SCN7A: variants seen among roughly 807,000 people sequenced by gnomAD.
The protein encoded by SCN7A is sodium channel protein type 7 subunit alpha.
In SCN7A, 138 loss-of-function variants were observed where a neutral mutation model predicts 155.2. That is an observed-to-expected ratio of 0.89 (90% CI 0.77 to 1.02). SCN7A has a LOEUF of 1.02. Among genes scored for constraint, SCN7A ranks in the 50% least tolerant of loss-of-function variants. The probability of loss-of-function intolerance (pLI) is 0.00; values close to 1 mark genes in which losing one functional copy is unlikely to be tolerated. For missense variants in SCN7A, 2,058 were observed against 1,986.6 expected (o/e 1.04, Z -0.68); for synonymous variants, 693 against 649.0 (o/e 1.07, Z -1.03).
At chr2:166,428,641 A>G (rs1486635522) in intron 17 of SCN7A, among the ~76,000 whole-genome samples, 2 of 152,000 alleles carry the variant, frequency 1.3e-5, no homozygotes, top group Non-Finnish European at 2.9e-5. Flanking sequence ...AAGCCAAAAC[A>G]TTTTATTTTG....
intron 9 of SCN7A, among the ~76,000 whole-genome samples, chr2:166,464,589 A>T (rs942448744): frequency 2.6e-5 from 4 of 152,190 alleles, no homozygotes; most frequent in Non-Finnish European, 5.9e-5. Flanking sequence ...ATAAGAGATT[A>T]AATAAGTGAA....
At chr2:166,488,801 C>G (rs1391993534) in intron 1 of SCN7A, among the ~76,000 whole-genome samples, 1 of 151,952 alleles carries the variant, frequency 6.6e-6, no homozygotes, top group Non-Finnish European at 1.5e-5. Context: ...CTACACCTGG[C>G]TAATTTTTGT....
intron 11 of SCN7A, among the ~76,000 whole-genome samples, chr2:166,456,145 G>C (rs1272248768): frequency 6.6e-6 from 1 of 152,078 alleles, no homozygotes; most frequent in Admixed American, 6.5e-5. Flanking sequence ...CTCATAAGTG[G>C]AAGTTGAACA....
intron 23 of SCN7A, among the ~76,000 whole-genome samples, chr2:166,411,944 A>T (rs1044850887): frequency 2.6e-5 from 4 of 152,086 alleles, no homozygotes; most frequent in African/African-American, 9.7e-5. Flanking sequence ...AACTTGACTT[A>T]GATGTCTTTT....
At chr2:166,408,587 T>C (rs1701126684) in intron 25 of SCN7A, among the ~76,000 whole-genome samples, 3 of 151,932 alleles carry the variant, frequency 2.0e-5, no homozygotes, top group Admixed American at 6.6e-5. Context: ...TCCTATCAGC[T>C]CCCTCTTGTC....
rs977961327 is a variant in SCN7A at position 166,404,852 on chromosome 2, C to T, written c.*728G>A. The T allele has an allele frequency of 7.4e-6, 1 of 134,312 alleles. No homozygotes were observed. The highest frequency in any genetic ancestry group is 1.6e-5 in the Non-Finnish European group (1 of 63,794). The allele number at this position is 134,312 out of a possible 1,614,324, so 8.3% of individuals were successfully genotyped here. A position where few individuals can be genotyped will look rare whatever the true frequency, so the allele number is the denominator to read the frequency against. ...AAAAAAAAAAAAAAAAAAGGCTATA[C>T]CTCTCCTTTATGCTTCTTGTTTTAC... On this transcript the variant is annotated 3_prime_UTR_variant, in exon 26 of 26. Coordinates refer to ENST00000643258, the MANE Select transcript of SCN7A (RefSeq NM_002976.4).
chr2:166,465,286 G>A (rs1383664577), intron 9 of SCN7A, among the ~76,000 whole-genome samples, 176 bp downstream of exon 9: 1 of 152,146 alleles, frequency 6.6e-6, no homozygotes, highest in Non-Finnish European at 1.5e-5. Flanking sequence ...AAACCAACCA[G>A]TCTGTGGTAT....
chr2:166,439,053 G>A (rs944010544), intron 15 of SCN7A, among the ~76,000 whole-genome samples: 36 of 86,098 alleles, frequency 4.2e-4, no homozygotes, highest in African/African-American at 1.7e-3. Flanking sequence ...GTGTGTGTGT[G>A]TGTATATATA....
Position 166,405,596 on chromosome 2 carries a change from A to G in SCN7A, c.5033T>C (p.Ile1678Thr), listed in dbSNP as rs981447533. ...TAAGTGGTATTAGATCTGGCTTTGA[A>G]TAGGTGACTTTTCCTTAGCTTTGTC... ...YFDKAKEKSP[I>T]QSQI The change falls in exon 26 of 26, where the codon ATT becomes ACT. Residue 1678 changes from isoleucine to threonine, a missense_variant. By Grantham distance (89) the Ile-to-Thr change is moderately conservative. Coordinates refer to ENST00000643258, the MANE Select transcript of SCN7A (RefSeq NM_002976.4). 8 of 1,588,298 alleles carry G rather than the reference A, an allele frequency of 5.0e-6. No homozygotes were observed. Among genetic ancestry groups the G allele is most frequent in the Non-Finnish European group, 6.0e-6 (7 of 1,168,654 alleles).
At chr2:166,464,947 A>G (rs1702495281) in intron 9 of SCN7A, among the ~76,000 whole-genome samples, 1 of 152,210 alleles carries the variant, frequency 6.6e-6, no homozygotes, top group Non-Finnish European at 1.5e-5. Flanking sequence ...TTGGATGAAT[A>G]GTATTCCACA....
intron 1 of SCN7A, among the ~76,000 whole-genome samples, chr2:166,487,743 T>C (rs867204123): frequency 8.5e-5 from 13 of 152,058 alleles, no homozygotes; most frequent in Non-Finnish European, 1.6e-4. Flanking sequence ...AGGTTCACAT[T>C]CAAGAATGTA....
At chr2:166,452,645 T>C (rs763651737) in intron 11 of SCN7A, among the ~76,000 whole-genome samples, 2 of 152,214 alleles carry the variant, frequency 1.3e-5, no homozygotes, top group Non-Finnish European at 2.9e-5. Context: ...CATGATTATC[T>C]TCCTGAGATT....
chr2:166,468,568 G>A (rs1702586502), intron 7 of SCN7A, among the ~76,000 whole-genome samples: 1 of 151,912 alleles, frequency 6.6e-6, no homozygotes, highest in African/African-American at 2.4e-5. Context: ...ATTCTGTTTT[G>A]CAACTCACTA....
chr2:166,492,464 C>G (rs1007947543), intron 1 of SCN7A, among the ~76,000 whole-genome samples: 1 of 152,110 alleles, frequency 6.6e-6, no homozygotes, highest in Non-Finnish European at 1.5e-5. Context: ...CCCCAGGAAA[C>G]AGGACTACAG....
intron 3 of SCN7A, among the ~76,000 whole-genome samples, chr2:166,476,288 AT>A (rs1702795556): frequency 6.6e-6 from 1 of 151,852 alleles, no homozygotes; most frequent in South Asian, 2.1e-4. Context: ...TAAAAAAAAA[AT>A]CACTTTGTCT....
Position 166,406,556 on chromosome 2 carries a change from C to T in SCN7A, c.4073G>A (p.Arg1358His), listed in dbSNP as rs766963704. 4.7e-5 allele frequency: 75 copies of T among 1,612,636 alleles called. No homozygotes were observed. In the Middle Eastern group the frequency reaches 8.2e-4, roughly 18 times the overall value. ...AAACACCTTTGGTCCTTTTCCAAGA[C>T]GCAGCATGTGAATGATCCGTGAGAG... ...ILLSRIIHML[R>H]LGKGPKVFHN... Residue 1358 changes from arginine to histidine, a missense_variant, in exon 26 of 26, where the codon CGT becomes CAT. Arg to His is a conservative substitution (Grantham distance 29). Coordinates refer to ENST00000643258, the MANE Select transcript of SCN7A (RefSeq NM_002976.4).
chr2:166,483,438 A>G (rs191796390), intron 2 of SCN7A, among the ~76,000 whole-genome samples: 123 of 151,992 alleles, frequency 8.1e-4, no homozygotes, highest in African/African-American at 2.8e-3. Context: ...TTTTGTGTAC[A>G]TATTATGTTG....
At chr2:166,470,019 C>G (rs936588403) in intron 7 of SCN7A, among the ~76,000 whole-genome samples, 4 of 151,768 alleles carry the variant, frequency 2.6e-5, no homozygotes, top group Non-Finnish European at 5.9e-5. Context: ...ATCTAATTGT[C>G]CTTATTCATT....
In SCN7A at chr2:166,491,523, T is replaced by C. The variant is rs543769083; in HGVS notation, c.-128+2445A>G. Among the ~76,000 whole-genome samples, 4 of 152,306 alleles carry C rather than the reference T, an allele frequency of 2.6e-5. 1 individual carries two copies. Among genetic ancestry groups the C allele is most frequent in the African/African-American group, 7.2e-5 (3 of 41,582 alleles). ...ATAATCTTAGCTGGGTCAAGAGATATGCACCAACTCAAAAATAACCTCTGA... is the reference window on the plus strand; with the variant it reads ...ATAATCTTAGCTGGGTCAAGAGATACGCACCAACTCAAAAATAACCTCTGA... On this transcript the variant is annotated intron_variant, in intron 1 of 25. Coordinates refer to ENST00000643258, the MANE Select transcript of SCN7A (RefSeq NM_002976.4).
Sources: gnomAD v4.1 joint callset for allele counts (sites outside exome capture counted in the v4.1 genomes callset) on GRCh38, gnomAD v4.1.1 for gene constraint, MANE v1.5 for transcripts, NCBI Gene and HGNC (gene_info 2026-07-23, HGNC 2026-07-21) for gene names.